Variants in MDGA2 observed in about 807,000 individuals in gnomAD.
MDGA2 encodes the protein MAM domain-containing glycosylphosphatidylinositol anchor protein 2.
In MDGA2, 40 loss-of-function variants were observed where a neutral mutation model predicts 117.8. The observed-to-expected ratio is 0.34, with a 90% confidence interval of 0.26 to 0.44. MDGA2 has a LOEUF of 0.44. Ranked by LOEUF, MDGA2 falls within the 20% of genes least tolerant of loss-of-function variation. MDGA2 has a pLI of 1.00. For synonymous variants in MDGA2, 452 were observed against 439.0 expected (o/e 1.03, Z -0.37); for missense variants, 1,123 against 1,250.6 (o/e 0.90, Z 1.54).
At chr14:46,879,545 A>G (rs539540386) in intron 11 of MDGA2, among the ~76,000 whole-genome samples, 1 of 152,308 alleles carries the variant, frequency 6.6e-6, no homozygotes, top group African/African-American at 2.4e-5. Flanking sequence ...TATTAAAAGT[A>G]ATATCTATTT....
At chr14:47,351,902 A>AACACACACAC (rs35860893) in intron 1 of MDGA2, among the ~76,000 whole-genome samples, 2,520 of 148,476 alleles carry the variant, frequency 0.017, 27 homozygotes, top group Admixed American at 0.033. Flanking sequence ...CTCTAAATTA[A>AACACACACAC]ACACACACAC....
intron 1 of MDGA2, among the ~76,000 whole-genome samples, chr14:47,550,125 A>G (rs1190469780): frequency 6.6e-6 from 1 of 152,118 alleles, no homozygotes; most frequent in Non-Finnish European, 1.5e-5. Flanking sequence ...TCCAAAAAGA[A>G]CTCATAACTA....
At chr14:46,844,606 G>T (rs1441782977) in intron 16 of MDGA2, among the ~76,000 whole-genome samples, 1 of 151,934 alleles carries the variant, frequency 6.6e-6, no homozygotes, top group Non-Finnish European at 1.5e-5. Context: ...GCTAAATCAG[G>T]AAATATATTC....
At chr14:47,434,383 ATC>A (rs1892857388) in intron 1 of MDGA2, among the ~76,000 whole-genome samples, 1 of 152,146 alleles carries the variant, frequency 6.6e-6, no homozygotes, top group African/African-American at 2.4e-5. Context: ...CAAATGTCAT[ATC>A]TCATAGAACT....
intron 6 of MDGA2, among the ~76,000 whole-genome samples, chr14:47,086,776 T>C (rs189566123): frequency 8.7e-4 from 133 of 152,308 alleles, no homozygotes; most frequent in Non-Finnish European, 1.5e-3. Flanking sequence ...GCCCAGCTAA[T>C]TGGCACCATC....
intron 15 of MDGA2, among the ~76,000 whole-genome samples, chr14:46,853,215 G>A (rs1434485232): frequency 2.0e-5 from 3 of 151,776 alleles, no homozygotes; most frequent in South Asian, 2.1e-4. Flanking sequence ...AGACATTGCA[G>A]AAGAAACTAT....
chr14:47,236,703 T>C (rs1049452364), intron 2 of MDGA2, among the ~76,000 whole-genome samples: 4 of 152,182 alleles, frequency 2.6e-5, no homozygotes, highest in Non-Finnish European at 5.9e-5. Flanking sequence ...TGTGTCTTTA[T>C]ACATTAGCAA....
intron 6 of MDGA2, among the ~76,000 whole-genome samples, chr14:47,083,777 G>T (rs1016718799): frequency 2.0e-5 from 3 of 151,958 alleles, no homozygotes; most frequent in Admixed American, 2.0e-4. Context: ...AGTAAGCAGG[G>T]TGGCTAGATA....
chr14:47,298,928 C>T (rs1344433531), intron 2 of MDGA2, among the ~76,000 whole-genome samples: 1 of 151,938 alleles, frequency 6.6e-6, no homozygotes, highest in East Asian at 1.9e-4. Context: ...CCTCGTGATC[C>T]GCCCGCCTTG....
chr14:46,899,401 T>C (rs1041812739), intron 10 of MDGA2, among the ~76,000 whole-genome samples: 2 of 152,062 alleles, frequency 1.3e-5, no homozygotes, highest in Non-Finnish European at 2.9e-5. Context: ...AGATGAATCA[T>C]TTGTACCATT....
chr14:47,036,640 C>T (rs1888866260), intron 7 of MDGA2, among the ~76,000 whole-genome samples: 1 of 152,232 alleles, frequency 6.6e-6, no homozygotes, highest in African/African-American at 2.4e-5. Context: ...TATATGTTCC[C>T]TTTGGAAGTA....
At chr14:47,672,552 T>A (rs920955722) in intron 1 of MDGA2, among the ~76,000 whole-genome samples, 1 of 152,276 alleles carries the variant, frequency 6.6e-6, no homozygotes, top group African/African-American at 2.4e-5. Flanking sequence ...GTTCCAGCAA[T>A]GTACCACTGT....
At chr14:47,598,676 G>A (rs1896591114) in intron 1 of MDGA2, among the ~76,000 whole-genome samples, 1 of 152,122 alleles carries the variant, frequency 6.6e-6, no homozygotes, top group African/African-American at 2.4e-5. Context: ...GAGGAAAAAG[G>A]GAAGGGGAAG....
At chr14:47,173,993 C>A (rs1269419328) in intron 3 of MDGA2, among the ~76,000 whole-genome samples, 2 of 152,034 alleles carry the variant, frequency 1.3e-5, no homozygotes, top group Non-Finnish European at 2.9e-5. Context: ...GCATGGGTTG[C>A]AATACTAGTC....
intron 3 of MDGA2, among the ~76,000 whole-genome samples, chr14:47,190,212 A>C (rs1212144812): frequency 6.6e-6 from 1 of 152,150 alleles, no homozygotes; most frequent in Non-Finnish European, 1.5e-5. Flanking sequence ...TTGCTGATTT[A>C]AGAGTTGGAA....
chr14:47,436,913 T>C (rs1321235063), intron 1 of MDGA2, among the ~76,000 whole-genome samples: 1 of 152,104 alleles, frequency 6.6e-6, no homozygotes, highest in Non-Finnish European at 1.5e-5. Context: ...CTAGGCACCC[T>C]TGAGTTCTCC....
chr14:47,290,965 C>A (rs1431803777), intron 2 of MDGA2, among the ~76,000 whole-genome samples: 1 of 152,072 alleles, frequency 6.6e-6, no homozygotes, highest in African/African-American at 2.4e-5. Flanking sequence ...TTTAATTAAC[C>A]AAACAGAGGC....
intron 9 of MDGA2, among the ~76,000 whole-genome samples, chr14:46,930,687 C>A (rs1884535494): frequency 6.6e-6 from 1 of 152,120 alleles, no homozygotes; most frequent in Admixed American, 6.5e-5. Context: ...AATCCCTATC[C>A]TTATAACTAC....
chr14:47,459,960 T>TA (rs1267884796), intron 1 of MDGA2, among the ~76,000 whole-genome samples: 94 of 152,244 alleles, frequency 6.2e-4, no homozygotes, highest in African/African-American at 2.2e-3. Context: ...TTCTAAAACT[T>TA]AAAGTATAAT....
Sources: allele counts gnomAD v4.1 joint callset (sites outside exome capture counted in the v4.1 genomes callset), GRCh38; gene constraint gnomAD v4.1.1; transcripts MANE v1.5; gene names NCBI Gene and HGNC (gene_info 2026-07-23, HGNC 2026-07-21).